The following DOCK1 variants were observed in gnomAD, a reference collection of about 807,000 sequenced individuals.
The protein encoded by DOCK1 is dedicator of cytokinesis protein 1.
DOCK1 carries 138 observed loss-of-function variants against 262.7 expected under a neutral mutation model. The observed-to-expected ratio is 0.53, with a 90% CI of 0.46 to 0.61. The LOEUF is 0.61. DOCK1 is among the 20% of genes least tolerant of loss of function. The pLI is 0.00. For synonymous variants in DOCK1, 866 were observed against 867.4 expected (o/e 1.00, Z 0.03); for missense variants, 1,908 against 2,370.7 (o/e 0.80, Z 4.05).
intron 27 of DOCK1, among the ~76,000 whole-genome samples, chr10:127,214,588 A>T (rs1419923428): frequency 6.6e-6 from 1 of 152,160 alleles, no homozygotes; most frequent in Non-Finnish European, 1.5e-5. Context: ...ACCCCTCTTC[A>T]TGGATGGGTA....
At chr10:127,286,432 C>G (rs929250993) in intron 29 of DOCK1, among the ~76,000 whole-genome samples, 1 of 152,034 alleles carries the variant, frequency 6.6e-6, no homozygotes, top group Admixed American at 6.6e-5. Flanking sequence ...GCTTTTTCGT[C>G]TTTGTTTTTA....
At position 127,403,145 on chromosome 10, in the gene DOCK1, G is replaced by C; in HGVS notation, c.4017+1G>C. 1 of 1,603,520 alleles carries C rather than the reference G, an allele frequency of 6.2e-7. No individual in the cohort carries two copies. The highest frequency in any genetic ancestry group is 8.5e-7 in the Non-Finnish European group (1 of 1,174,878). ...TTATGAGCAACTCAGCGAATTGCTG[G>C]TGAGTCTTTATTTCTTTTTATTTAA... On this transcript the variant is annotated splice_donor_variant, in intron 39 of 51. Coordinates refer to ENST00000623213, the MANE Select transcript of DOCK1 (RefSeq NM_001290223.2). LOFTEE classifies it high-confidence loss of function.
chr10:127,287,487 G>C (rs1169250743), intron 29 of DOCK1, among the ~76,000 whole-genome samples: 1 of 152,116 alleles, frequency 6.6e-6, no homozygotes, highest in African/African-American at 2.4e-5. Flanking sequence ...ACTGCACCAG[G>C]CTCCCCATTT....
chr10:127,244,213 G>A (rs556518080), intron 27 of DOCK1, among the ~76,000 whole-genome samples: 1 of 151,918 alleles, frequency 6.6e-6, no homozygotes, highest in East Asian at 1.9e-4. Context: ...GCAACGTTTG[G>A]GACATATTTA....
chr10:127,018,499 G>C (rs1187764807), intron 12 of DOCK1: 3 of 631,992 alleles, frequency 4.7e-6, no homozygotes, highest in Non-Finnish European at 8.1e-6. Context: ...AGTCACCCTA[G>C]GGCAGGGCTG....
At chr10:127,379,418 A>G (rs2065707003) in intron 35 of DOCK1, among the ~76,000 whole-genome samples, 1 of 152,198 alleles carries the variant, frequency 6.6e-6, no homozygotes, top group South Asian at 2.1e-4. Flanking sequence ...CCTGTCTGGA[A>G]CAGTGCTATC....
intron 1 of DOCK1, among the ~76,000 whole-genome samples, chr10:126,931,349 G>T (rs2034172328): frequency 6.6e-6 from 1 of 152,312 alleles, no homozygotes; most frequent in South Asian, 2.1e-4. Flanking sequence ...GCAGCTGTGA[G>T]GTTTGGAGGG....
At chr10:127,405,231 G>A (rs1009699517) in intron 40 of DOCK1, among the ~76,000 whole-genome samples, 1 of 152,184 alleles carries the variant, frequency 6.6e-6, no homozygotes, top group African/African-American at 2.4e-5. Flanking sequence ...CCTGAGACAG[G>A]CATGTGCTTT....
At chr10:127,188,338 G>A (rs927943246) in intron 27 of DOCK1, among the ~76,000 whole-genome samples, 13 of 152,196 alleles carry the variant, frequency 8.5e-5, no homozygotes, top group Non-Finnish European at 5.9e-5. Flanking sequence ...CAAGTAAATT[G>A]TCACTGAGCA....
chr10:127,093,241 TC>T lies in DOCK1; in HGVS notation c.2446-12989del, dbSNP rs1239963172. ...TTCTTTTCTTTCTTTCTTTCTTTCT[TC>T]TTTTTTTTTTTTTTTTTTTTGGAGA... On this transcript the variant is annotated intron_variant, in intron 23 of 51. Coordinates refer to ENST00000623213, the MANE Select transcript of DOCK1 (RefSeq NM_001290223.2). Among the ~76,000 whole-genome samples, 470 of 114,416 alleles carry T rather than the reference TC, an allele frequency of 4.1e-3. 24 individuals are homozygous for T. Among genetic ancestry groups the T allele is most frequent in the African/African-American group, 0.018 (450 of 25,652 alleles). 75.1% of individuals were successfully genotyped at this position (114,416 alleles called of 152,430 possible).
chr10:126,947,310 T>C (rs1018046362), intron 1 of DOCK1, among the ~76,000 whole-genome samples: 66 of 69,814 alleles, frequency 9.5e-4, no homozygotes, highest in African/African-American at 2.5e-3. Context: ...TTACTGTTGG[T>C]GGTGATGGTG....
intron 1 of DOCK1, 60 bp from the exon 2 acceptor site, chr10:126,970,642 C>T: frequency 7.3e-7 from 1 of 1,364,590 alleles, no homozygotes; most frequent in Non-Finnish European, 1.0e-6. Flanking sequence ...GCCAACACGA[C>T]TCAGCATGGT....
At chr10:127,196,314 C>T (rs892813822) in intron 27 of DOCK1, among the ~76,000 whole-genome samples, 2 of 148,730 alleles carry the variant, frequency 1.3e-5, no homozygotes, top group African/African-American at 2.4e-5. Context: ...GCTCCGGGGA[C>T]GCCCGCGCGC....
intron 33 of DOCK1, among the ~76,000 whole-genome samples, chr10:127,365,325 A>AT (rs1415496685): frequency 6.6e-6 from 1 of 152,216 alleles, no homozygotes; most frequent in Admixed American, 6.5e-5. Context: ...AACTTTTGAA[A>AT]TTATTGCCAA....
rs2068304790 is a variant in DOCK1, at chr10:127,418,647, A to C, written c.4692+106A>C. 3 of 1,377,566 alleles carry C rather than the reference A, an allele frequency of 2.2e-6. No homozygotes were observed. In the East Asian group the frequency reaches 7.6e-5, roughly 35 times the overall value. 85.3% of individuals were successfully genotyped at this position (1,377,566 alleles called of 1,614,324 possible). A position where few individuals can be genotyped will look rare whatever the true frequency, so the allele number is the denominator to read the frequency against. On this transcript the variant is annotated intron_variant, in intron 45 of 51. Coordinates refer to ENST00000623213, the MANE Select transcript of DOCK1 (RefSeq NM_001290223.2). The stretch of plus-strand genomic sequence containing the variant: ...AGAAACGCCCCTGGTCTCATTGAGC[A>C]ATCTCAGCAGTGGCCCAGCCAAGGC...
chr10:127,268,600 C>T (rs2060457313), intron 29 of DOCK1, among the ~76,000 whole-genome samples: 1 of 151,938 alleles, frequency 6.6e-6, no homozygotes, highest in East Asian at 1.9e-4. Flanking sequence ...TTCTCAGCCA[C>T]CCTTCTCTGC....
chr10:126,971,823 C>G (rs2038128655), intron 2 of DOCK1, among the ~76,000 whole-genome samples: 1 of 152,060 alleles, frequency 6.6e-6, no homozygotes, highest in African/African-American at 2.4e-5. Context: ...CAATTTTCAT[C>G]CTTTCCTTTT....
intron 47 of DOCK1, among the ~76,000 whole-genome samples, chr10:127,432,464 G>A (rs7095368): frequency 0.81 from 122,320 of 151,770 alleles, 49,725 homozygotes; most frequent in Non-Finnish European, 0.86. Context: ...ACAGAGAGGA[G>A]GTGCCCTACA....
chr10:127,052,890 C>T (rs2044838049), intron 22 of DOCK1, 75 bp downstream of exon 22: 4 of 1,535,342 alleles, frequency 2.6e-6, no homozygotes, highest in Admixed American at 2.0e-5. Flanking sequence ...CCTTCCCCTT[C>T]TCTCGTCCCC....
Sources: gnomAD v4.1 joint callset for allele counts (sites outside exome capture counted in the v4.1 genomes callset) on GRCh38, gnomAD v4.1.1 for gene constraint, MANE v1.5 for transcripts, NCBI Gene and HGNC (gene_info 2026-07-23, HGNC 2026-07-21) for gene names.